FGD3: variants seen among roughly 807,000 people sequenced by gnomAD.
FGD3 encodes the protein FYVE, RhoGEF and PH domain containing 3, also known as FYVE, RhoGEF and PH domain-containing protein 3.
In FGD3, 45 loss-of-function variants were observed where a neutral mutation model predicts 71.8. That is an observed-to-expected ratio of 0.63 (90% CI 0.49 to 0.80). FGD3 has a LOEUF of 0.80. FGD3 is among the 30% of genes least tolerant of loss of function. The pLI is 0.00. For synonymous variants in FGD3, 378 were observed against 392.8 expected, an observed-to-expected ratio of 0.96 and a Z score of 0.44; for missense variants, 844 against 951.5, an observed-to-expected ratio of 0.89 and a Z score of 1.49.
chr9:92,983,638 A>G (rs1860081495), intron 3 of FGD3, among the ~76,000 whole-genome samples: 1 of 152,238 alleles, frequency 6.6e-6, no homozygotes, highest in Non-Finnish European at 1.5e-5. Flanking sequence ...ACACATTTAT[A>G]AGGAGCAGAA....
intron 16 of FGD3, 71 bp from the exon 17 acceptor site, chr9:93,034,470 C>A (rs995453710): frequency 6.6e-7 from 1 of 1,511,022 alleles, no homozygotes; most frequent in South Asian, 1.3e-5. Flanking sequence ...CTGGCCCTAC[C>A]CCAGCCTCCT....
At chr9:92,986,001 G>A (rs890296351) in intron 3 of FGD3, among the ~76,000 whole-genome samples, 3 of 152,134 alleles carry the variant, frequency 2.0e-5, no homozygotes, top group Admixed American at 1.3e-4. Context: ...CAGTCTTACT[G>A]TGTACCCTTA....
chr9:93,034,361 C>A, intron 16 of FGD3, 180 bp from the exon 17 acceptor site: 2 of 718,340 alleles, frequency 2.8e-6, no homozygotes, highest in Non-Finnish European at 4.3e-6. Flanking sequence ...CTATGTCCTG[C>A]AGGCTTCTAG....
intron 14 of FGD3, among the ~76,000 whole-genome samples, chr9:93,022,630 G>A (rs1180916478): frequency 6.6e-6 from 1 of 152,142 alleles, no homozygotes; most frequent in Non-Finnish European, 1.5e-5. Flanking sequence ...TGTAAGGTGG[G>A]CACGCAGAGG....
Position 93,035,624 on chromosome 9 carries a change from T to G in FGD3, c.*35T>G, listed in dbSNP as rs1862571479. 1 of 1,556,238 alleles carries G rather than the reference T, an allele frequency of 6.4e-7. No homozygotes were observed. Among genetic ancestry groups the G allele is most frequent in the Admixed American group, 1.7e-5 (1 of 57,376 alleles). The stretch of plus-strand genomic sequence containing the variant: ...CCCACTGCCCTGCACACCACCACAT[T>G]GGACCTGTGCTGTCCTGGGAGGTGG... On this transcript the variant is annotated 3_prime_UTR_variant, in exon 18 of 18. Transcript: ENST00000375482.
At chr9:93,011,326 C>T in intron 8 of FGD3, 54 bp downstream of exon 8, 1 of 1,605,364 alleles carries the variant, frequency 6.2e-7, no homozygotes, top group African/African-American at 1.3e-5. Context: ...AGAGTGAGGG[C>T]CAGGGGCCCT....
intron 1 of FGD3, among the ~76,000 whole-genome samples, chr9:92,953,225 G>A (rs1487754018): frequency 1.3e-5 from 2 of 151,798 alleles, no homozygotes; most frequent in Non-Finnish European, 2.9e-5. Context: ...TTTTCCTACA[G>A]GGTAAAAAAA....
At chr9:92,948,664 C>G (rs982100990) in intron 1 of FGD3, among the ~76,000 whole-genome samples, 1 of 152,218 alleles carries the variant, frequency 6.6e-6, no homozygotes, top group African/African-American at 2.4e-5. Context: ...ATTAGGATGA[C>G]AGCAAACTCC....
At chr9:93,009,709 A>G (rs1861223174) in intron 6 of FGD3, among the ~76,000 whole-genome samples, 1 of 152,210 alleles carries the variant, frequency 6.6e-6, no homozygotes, top group African/African-American at 2.4e-5. Context: ...CGGTGAGCAG[A>G]GCTGGGTACA....
In FGD3 at chr9:93,019,352, C is replaced by T. The variant is rs1021341062; in HGVS notation, c.1356-479C>T. 4.6e-5 allele frequency among the ~76,000 whole-genome samples: 7 copies of T among 152,320 alleles called. No individual in the cohort carries two copies. The East Asian group carries it at 5.8e-4, about 13-fold the overall frequency. On this transcript the variant is annotated intron_variant, in intron 11 of 17. Transcript: ENST00000375482. ...CACTGACGAGGACCTGCGCTCCTCC[C>T]GAACCTGGCCATCACAAATGCGGCT...
At chr9:93,032,344 C>T (rs929228948) in intron 15 of FGD3, 3 of 189,352 alleles carry the variant, frequency 1.6e-5, no homozygotes, top group Admixed American at 5.3e-5. Flanking sequence ...TCTCCACATC[C>T]GTGCCAACAC....
In FGD3 at chr9:93,029,918, G is replaced by A. The variant is rs1862290751; in HGVS notation, c.1602G>A (p.Glu534=). The A allele has an allele frequency of 3.7e-6, 6 of 1,613,682 alleles. No individual in the cohort carries two copies. The highest frequency in any genetic ancestry group is 5.1e-6 in the Non-Finnish European group (6 of 1,179,762). The change falls in exon 15 of 18, where the codon GAG becomes GAA. Residue 534 remains glutamate, a synonymous_variant. Coordinates refer to ENST00000375482, the MANE Select transcript of FGD3 (RefSeq NM_001083536.2). Reference sequence around the variant, plus strand: ...CCTCTAAGACCAGACGTGACAAGGAGAAGCAGAGCTGTAAGAGCTGTGGTG... The same window carrying A: ...CCTCTAAGACCAGACGTGACAAGGAAAAGCAGAGCTGTAAGAGCTGTGGTG... The part of the protein sequence containing the change: ...KLSSKTRRDK[E]KQSCKSCGET...
chr9:92,982,488 T>G (rs1054230726), intron 3 of FGD3, among the ~76,000 whole-genome samples: 5 of 152,178 alleles, frequency 3.3e-5, no homozygotes, highest in African/African-American at 9.6e-5. Context: ...TCCCTTCCTT[T>G]GGATAAATGT....
In FGD3 at chr9:93,035,853, A is replaced by C; in HGVS notation, c.*264A>C. ...AGAGCAGGGGCCGACTGCCAAAGTA[A>C]CCATCATCCATATGGGCCGTGTGGT... is the stretch of plus-strand genomic sequence containing the variant. On this transcript the variant is annotated 3_prime_UTR_variant, in exon 18 of 18. Coordinates refer to ENST00000375482, the MANE Select transcript of FGD3 (RefSeq NM_001083536.2). The C allele has an allele frequency of 2.1e-6, 1 of 477,840 alleles. No homozygotes were observed. Among genetic ancestry groups the C allele is most frequent in the Non-Finnish European group, 3.7e-6 (1 of 272,508 alleles). The allele number at this position is 477,840 out of a possible 1,614,324, so 29.6% of individuals were successfully genotyped here.
At position 93,029,851 on chromosome 9, in the gene FGD3, G is replaced by A. The variant is rs377200923; in HGVS notation, c.1558-23G>A. Reference sequence around the variant, plus strand: ...GTGCACACATGATTCAGAAGCTGATGGCATCTATTTGCCTCCTTATAGCTC... The same window carrying A: ...GTGCACACATGATTCAGAAGCTGATAGCATCTATTTGCCTCCTTATAGCTC... On this transcript the variant is annotated intron_variant, in intron 14 of 17. Coordinates refer to ENST00000375482, the MANE Select transcript of FGD3 (RefSeq NM_001083536.2). 72 of 1,607,910 alleles carry A rather than the reference G, an allele frequency of 4.5e-5. No homozygotes were observed. The East Asian group carries it at 1.6e-3, about 35-fold the overall frequency.
In FGD3 at chr9:93,035,659, C is replaced by A; in HGVS notation, c.*70C>A. ...CTGTCCTGGGAGGTGGTGTTGGAGG[C>A]CCCATGAAGAGCGCCCTGGACTGCT... On this transcript the variant is annotated 3_prime_UTR_variant, in exon 18 of 18. Transcript: ENST00000375482. 1.3e-6 allele frequency: 2 copies of A among 1,509,136 alleles called. No individual in the cohort carries two copies. Among genetic ancestry groups the A allele is most frequent in the Non-Finnish European group, 1.8e-6 (2 of 1,131,610 alleles). The allele number at this position is 1,509,136 out of a possible 1,614,324, so 93.5% of individuals were successfully genotyped here. A position where few individuals can be genotyped will look rare whatever the true frequency, so the allele number is the denominator to read the frequency against.
rs569058583 is a variant in FGD3, at chr9:93,023,795, C to CTTTTTT, written c.1557+1427_1557+1432dup. Among the ~76,000 whole-genome samples, 150 of 107,678 alleles carry CTTTTTT rather than the reference C, an allele frequency of 1.4e-3. 4 individuals carry two copies. Among genetic ancestry groups the CTTTTTT allele is most frequent in the East Asian group, 3.7e-3 (13 of 3,476 alleles). The allele number at this position is 107,678 out of a possible 152,430, so 70.6% of individuals were successfully genotyped here. A position where few individuals can be genotyped will look rare whatever the true frequency, so the allele number is the denominator to read the frequency against. On this transcript the variant is annotated intron_variant, in intron 14 of 17. Coordinates refer to ENST00000375482, the MANE Select transcript of FGD3 (RefSeq NM_001083536.2). ...ATGACAGGAACCCGCCCATCAGCAA[C>CTTTTTT]TTTTTTTTTTTTTTTTTTTTTTTTT... is the stretch of plus-strand genomic sequence containing the variant.
chr9:92,949,254 C>T (rs892459048), intron 1 of FGD3, among the ~76,000 whole-genome samples: 1 of 152,172 alleles, frequency 6.6e-6, no homozygotes, highest in South Asian at 2.1e-4. Context: ...ATCCCGTGGA[C>T]CAGTGCCTCA....
At chr9:92,979,899 G>A (rs1859918595) in intron 3 of FGD3, among the ~76,000 whole-genome samples, 1 of 149,222 alleles carries the variant, frequency 6.7e-6, no homozygotes, top group Non-Finnish European at 1.5e-5. Context: ...TTTTATTTCT[G>A]TGGCACCTCT....
Sources: gnomAD v4.1 joint callset for allele counts (sites outside exome capture counted in the v4.1 genomes callset) on GRCh38, gnomAD v4.1.1 for gene constraint, MANE v1.5 for transcripts, NCBI Gene and HGNC (gene_info 2026-07-23, HGNC 2026-07-21) for gene names.